Variants in C9orf72 observed in about 807,000 individuals in gnomAD.
C9orf72 encodes C9orf72-SMCR8 complex subunit, also known as guanine nucleotide exchange factor C9orf72.
C9orf72 carries 44 observed loss-of-function variants against 51.6 expected under a neutral mutation model. The ratio of observed to expected loss-of-function variants is 0.85; its 90% CI spans 0.67 to 1.10. The LOEUF (loss-of-function observed/expected upper bound fraction) is 1.10. Ranked by LOEUF, C9orf72 falls within the 50% of genes least tolerant of loss-of-function variation. C9orf72 has a pLI of 0.00. For synonymous variants in C9orf72, 213 were observed against 194.2 expected (o/e 1.10, Z -0.81); for missense variants, 607 against 570.6 (o/e 1.06, Z -0.65).
chr9:27,565,604 A>T lies in C9orf72; in HGVS notation c.445-14T>A, dbSNP rs924543884. ...TTCTTGTCTTTCCTGAGCAAGAGAA[A>T]ATTTATTTAAAAAAACAACCCACAA... On this transcript the variant is annotated splice_polypyrimidine_tract_variant and intron_variant, in intron 2 of 10. Coordinates refer to ENST00000380003, the MANE Select transcript of C9orf72 (RefSeq NM_018325.5). The T allele has an allele frequency of 6.4e-7, 1 of 1,558,150 alleles. No individual in the cohort carries two copies. Among genetic ancestry groups the T allele is most frequent in the Non-Finnish European group, 8.8e-7 (1 of 1,136,214 alleles).
chr9:27,557,712 T>G (rs1819238848), intron 7 of C9orf72, among the ~76,000 whole-genome samples: 1 of 152,100 alleles, frequency 6.6e-6, no homozygotes, highest in African/African-American at 2.4e-5. Flanking sequence ...ACGTTTCCTT[T>G]AACTAGTTTC....
chr9:27,562,351 A>G (rs1011293109), intron 4 of C9orf72, 30 bp downstream of exon 4: 6 of 1,157,686 alleles, frequency 5.2e-6, no homozygotes, highest in Non-Finnish European at 7.4e-6. Context: ...AAAACTCATA[A>G]AGTGTATAAT....
intron 8 of C9orf72, among the ~76,000 whole-genome samples, chr9:27,552,759 T>C (rs1820935321): frequency 6.6e-6 from 1 of 152,164 alleles, no homozygotes; most frequent in Non-Finnish European, 1.5e-5. Context: ...GTTTATGTGA[T>C]GAATCACACT....
At chr9:27,568,452 G>A (rs1247170101) in intron 1 of C9orf72, among the ~76,000 whole-genome samples, 1 of 152,186 alleles carries the variant, frequency 6.6e-6, no homozygotes, top group Non-Finnish European at 1.5e-5. Context: ...ATCCAAGACA[G>A]AACCCAGGGC....
At chr9:27,548,731 T>G in intron 9 of C9orf72, 65 bp from the exon 10 acceptor site, 2 of 832,538 alleles carry the variant, frequency 2.4e-6, no homozygotes, top group Non-Finnish European at 4.1e-6. Flanking sequence ...GAAGTTTCTA[T>G]GACAGTGTTG....
At chr9:27,550,581 T>C (rs118111269) in intron 9 of C9orf72, 69 bp downstream of exon 9, 22,211 of 940,460 alleles carry the variant, frequency 0.024, 325 homozygotes, top group Non-Finnish European at 0.03. Context: ...AGAACAGGCA[T>C]TGTAGGATAT....
chr9:27,572,544 T>C (rs972905519), intron 1 of C9orf72, among the ~76,000 whole-genome samples: 1 of 152,034 alleles, frequency 6.6e-6, no homozygotes, highest in Non-Finnish European at 1.5e-5. Context: ...AACTGGTGCA[T>C]GGCAACTGTT....
intron 7 of C9orf72, among the ~76,000 whole-genome samples, 173 bp from the exon 8 acceptor site, chr9:27,556,969 T>C (rs905091680): frequency 2.0e-5 from 3 of 152,222 alleles, no homozygotes; most frequent in Admixed American, 6.6e-5. Context: ...CAGTATAGCA[T>C]TGGTTTCAAT....
chr9:27,565,184 C>T (rs1819437205), intron 3 of C9orf72, among the ~76,000 whole-genome samples: 1 of 152,014 alleles, frequency 6.6e-6, no homozygotes, highest in African/African-American at 2.4e-5. Flanking sequence ...TCTGTTACAG[C>T]TACTTCTAGG....
intron 8 of C9orf72, among the ~76,000 whole-genome samples, chr9:27,552,731 G>T (rs1820934892): frequency 6.6e-6 from 1 of 151,890 alleles, no homozygotes; most frequent in Non-Finnish European, 1.5e-5. Context: ...TAATCTTGTG[G>T]TTTTTGTTTT....
chr9:27,565,760 T>C (rs949120791), intron 2 of C9orf72, among the ~76,000 whole-genome samples, 170 bp from the exon 3 acceptor site: 4 of 152,150 alleles, frequency 2.6e-5, no homozygotes, highest in African/African-American at 9.6e-5. Context: ...ATGCATGTTC[T>C]CATAAACAAT....
intron 8 of C9orf72, among the ~76,000 whole-genome samples, chr9:27,551,983 G>A (rs1057252778): frequency 6.6e-6 from 1 of 152,132 alleles, no homozygotes; most frequent in African/African-American, 2.4e-5. Context: ...CACTTTGGAA[G>A]GTGTTGGAGT....
chr9:27,572,653 C>G (rs1029268439), intron 1 of C9orf72, among the ~76,000 whole-genome samples: 1 of 152,142 alleles, frequency 6.6e-6, no homozygotes, highest in Non-Finnish European at 1.5e-5. Context: ...TGGGAAAGTG[C>G]AGGACCTCCC....
intron 3 of C9orf72, among the ~76,000 whole-genome samples, chr9:27,562,921 C>T (rs896627975): frequency 4.6e-5 from 7 of 152,008 alleles, no homozygotes; most frequent in African/African-American, 1.7e-4. Flanking sequence ...CCCTAAAGCT[C>T]ACTTTTATTC....
chr9:27,558,357 C>T, intron 7 of C9orf72, 134 bp downstream of exon 7: 1 of 662,486 alleles, frequency 1.5e-6, no homozygotes, highest in Non-Finnish European at 2.7e-6. Flanking sequence ...ATGTGCAGAA[C>T]TGTGTAAAGG....
chr9:27,561,859 T>G (rs1819358344), intron 4 of C9orf72, among the ~76,000 whole-genome samples: 1 of 152,176 alleles, frequency 6.6e-6, no homozygotes, highest in South Asian at 2.1e-4. Context: ...GTTAAACAAT[T>G]TTTACAAGAA....
intron 9 of C9orf72, among the ~76,000 whole-genome samples, chr9:27,549,205 A>C (rs2131527600): frequency 6.6e-6 from 1 of 152,330 alleles, no homozygotes; most frequent in South Asian, 2.1e-4. Context: ...TTTGCATTCT[A>C]CTTCAGAATA....
intron 8 of C9orf72, chr9:27,556,308 T>G (rs547229254): frequency 4.2e-4 from 234 of 551,194 alleles, no homozygotes; most frequent in Non-Finnish European, 7.0e-4. Context: ...GCCTAGGAGC[T>G]CAATATATAT....
intron 9 of C9orf72, 42 bp from the exon 10 acceptor site, chr9:27,548,708 T>G: frequency 8.8e-7 from 1 of 1,129,976 alleles, no homozygotes; most frequent in Non-Finnish European, 1.3e-6. Flanking sequence ...TTTGCTCACA[T>G]TCTACTCGTA....
Sources: gnomAD v4.1 joint callset for allele counts (sites outside exome capture counted in the v4.1 genomes callset) on GRCh38, gnomAD v4.1.1 for gene constraint, MANE v1.5 for transcripts, NCBI Gene and HGNC (gene_info 2026-07-23, HGNC 2026-07-21) for gene names.